The following CCDC30 variants were observed in gnomAD, a reference collection of about 807,000 sequenced individuals.
CCDC30 encodes coiled-coil domain containing 30.
In CCDC30, 70 loss-of-function variants were observed where a neutral mutation model predicts 100.2. The ratio of observed to expected loss-of-function variants is 0.70; its 90% CI spans 0.58 to 0.85. The LOEUF (loss-of-function observed/expected upper bound fraction) is 0.85, where lower values mean the gene tolerates loss of function less well. Ranked by LOEUF, CCDC30 falls within the 40% of genes least tolerant of loss-of-function variation. CCDC30 has a pLI of 0.00. For synonymous variants in CCDC30, 233 were observed against 269.5 expected (o/e 0.86, Z 1.33); for missense variants, 652 against 771.2 (o/e 0.85, Z 1.83).
rs185609059 is a variant in CCDC30, at chr1:42,526,541, T to G, written c.456+27625T>G. On this transcript the variant is annotated intron_variant, in intron 6 of 16. Coordinates refer to ENST00000668663, the Ensembl canonical transcript of CCDC30. ...TTCCCAGGCCTTGTTTTTATTTGGA[T>G]CTCTTTTCCAGGTGCTAAAGAAATT... Among the ~76,000 whole-genome samples the G allele has an allele frequency of 1.4e-4, 21 of 152,316 alleles. No homozygotes were observed. In the East Asian group the frequency reaches 3.7e-3, roughly 27 times the overall value.
At chr1:42,522,349 A>G (rs754764799) in intron 6 of CCDC30, among the ~76,000 whole-genome samples, 4 of 152,132 alleles carry the variant, frequency 2.6e-5, no homozygotes, top group Non-Finnish European at 5.9e-5. Context: ...ATTTAAAATA[A>G]TTACAGAAAA....
chr1:42,615,104 G>A (rs1418709819), intron 11 of CCDC30, among the ~76,000 whole-genome samples: 1 of 152,096 alleles, frequency 6.6e-6, no homozygotes, highest in Non-Finnish European at 1.5e-5. Context: ...AGGAACTTAG[G>A]TTTAGGGTTT....
chr1:42,465,398 C>A (rs1643541114), intron 1 of CCDC30, among the ~76,000 whole-genome samples: 1 of 152,138 alleles, frequency 6.6e-6, no homozygotes, highest in Non-Finnish European at 1.5e-5. Flanking sequence ...GAATTTCACT[C>A]TTGTTGCCCA....
upstream of CCDC30, chr1:42,459,894 C>T (rs759327365): frequency 2.4e-5 from 38 of 1,612,154 alleles, no homozygotes; most frequent in Non-Finnish European, 3.0e-5. Context: ...TCTTCAGTCT[C>T]GACACACAGC....
chr1:42,558,557 A>C (rs1645420875), intron 6 of CCDC30, among the ~76,000 whole-genome samples: 1 of 152,224 alleles, frequency 6.6e-6, no homozygotes, highest in Non-Finnish European at 1.5e-5. Flanking sequence ...AGATGAGGGA[A>C]TTGAAGTATA....
chr1:42,558,819 A>C lies in CCDC30; in HGVS notation c.457-7477A>C, dbSNP rs576821223. Reference sequence around the variant, plus strand: ...GAACACCATTAAGATACTCCATGAGAAGATCAACTCCAAGACACATAATCA... The same window carrying C: ...GAACACCATTAAGATACTCCATGAGCAGATCAACTCCAAGACACATAATCA... On this transcript the variant is annotated intron_variant, in intron 6 of 16. Transcript: ENST00000668663. 2.6e-5 allele frequency among the ~76,000 whole-genome samples: 4 copies of C among 152,296 alleles called. No homozygotes were observed. The South Asian group carries it at 8.3e-4, about 32-fold the overall frequency.
chr1:42,539,810 G>A (rs1644977562), intron 6 of CCDC30, among the ~76,000 whole-genome samples: 1 of 151,980 alleles, frequency 6.6e-6, no homozygotes, highest in South Asian at 2.1e-4. Context: ...CTTCCAGGGA[G>A]CCTAAGTTTA....
chr1:42,520,760 C>A (rs529600842), intron 6 of CCDC30, among the ~76,000 whole-genome samples: 1 of 149,886 alleles, frequency 6.7e-6, no homozygotes, highest in East Asian at 2.0e-4. Context: ...CCTGCCTCAG[C>A]CTCCCGGGTA....
chr1:42,528,348 C>T (rs150677686), intron 6 of CCDC30, among the ~76,000 whole-genome samples: 98 of 152,284 alleles, frequency 6.4e-4, no homozygotes, highest in African/African-American at 2.2e-3. Context: ...TGGCCCACAC[C>T]TTGCTCTGTC....
chr1:42,545,525 A>C (rs1645111117), intron 6 of CCDC30: 1 of 1,606,270 alleles, frequency 6.2e-7, no homozygotes, highest in African/African-American at 1.3e-5. Context: ...GAATCTAATG[A>C]ACCAATTTTG....
chr1:42,559,024 T>A (rs1477407830), intron 6 of CCDC30, among the ~76,000 whole-genome samples: 1 of 152,186 alleles, frequency 6.6e-6, no homozygotes, highest in Non-Finnish European at 1.5e-5. Context: ...CAACCCAGAA[T>A]TTCATATCCA....
At chr1:42,577,861 T>C (rs2148586068) in intron 8 of CCDC30, among the ~76,000 whole-genome samples, 1 of 152,174 alleles carries the variant, frequency 6.6e-6, no homozygotes, top group East Asian at 1.9e-4. Flanking sequence ...AGGGTGGTCT[T>C]GATCTTCTGA....
At chr1:42,533,651 C>T (rs4660641) in intron 6 of CCDC30, among the ~76,000 whole-genome samples, 20,690 of 152,178 alleles carry the variant, frequency 0.14, 1,533 homozygotes, top group East Asian at 0.18. Context: ...GCACATAAAC[C>T]GCTTCCACCT....
At chr1:42,613,545 T>C (rs6673275) in intron 11 of CCDC30, among the ~76,000 whole-genome samples, 2,653 of 152,208 alleles carry the variant, frequency 0.017, 69 homozygotes, top group African/African-American at 0.061. Flanking sequence ...TGAGCCACCG[T>C]GCCCGGCCTA....
chr1:42,586,803 G>A (rs1206635011), intron 9 of CCDC30, among the ~76,000 whole-genome samples: 1 of 152,116 alleles, frequency 6.6e-6, no homozygotes, highest in African/African-American at 2.4e-5. Context: ...TGATTAGTTT[G>A]CAATTTAGAA....
At chr1:42,478,407 A>T (rs2148451220) in intron 1 of CCDC30, among the ~76,000 whole-genome samples, 1 of 152,342 alleles carries the variant, frequency 6.6e-6, no homozygotes, top group South Asian at 2.1e-4. Context: ...TGACTCTAAT[A>T]CCAACTACTC....
At chr1:42,460,455 G>A (rs1342848997), upstream of CCDC30, 2 of 867,396 alleles carry the variant, frequency 2.3e-6, no homozygotes, top group Non-Finnish European at 2.8e-6. Flanking sequence ...ATAGTAGTAG[G>A]AAAGAAGGAT....
At chr1:42,644,584 C>A in intron 13 of CCDC30, 109 bp from the exon 18 acceptor site, 1 of 655,654 alleles carries the variant, frequency 1.5e-6, no homozygotes, top group Non-Finnish European at 2.7e-6. Context: ...CTTCTAAAAT[C>A]TGGACAGTAG....
Position 42,596,044 on chromosome 1 carries a change from T to C in CCDC30, c.1164+6561T>C, listed in dbSNP as rs144714438. The stretch of plus-strand genomic sequence containing the variant: ...CCAAACAAACTGAAAAATCAACACA[T>C]TTCCCTAGATCCTTCAGAGAAGAGA... On this transcript the variant is annotated intron_variant, in intron 10 of 16. Transcript: ENST00000668663. The surrounding 1 kb of genome is among the most constrained non-coding windows in gnomAD (Gnocchi z 4.3). 1.4e-4 allele frequency among the ~76,000 whole-genome samples: 21 copies of C among 152,272 alleles called. No homozygotes were observed. Among genetic ancestry groups the C allele is most frequent in the African/African-American group, 4.8e-4 (20 of 41,546 alleles).
Sources: gnomAD v4.1 joint callset for allele counts (sites outside exome capture counted in the v4.1 genomes callset) on GRCh38, gnomAD v4.1.1 for gene constraint, Gnocchi (gnomAD v3.1) non-coding constraint, MANE v1.5 for transcripts, NCBI Gene and HGNC (gene_info 2026-07-23, HGNC 2026-07-21) for gene names.